AFTPH: variants seen among roughly 807,000 people sequenced by gnomAD.
AFTPH encodes aftiphilin.
In AFTPH, 7 loss-of-function variants were observed where a neutral mutation model predicts 72.5. The ratio of observed to expected loss-of-function variants is 0.10; its 90% CI spans 0.05 to 0.18. The LOEUF is 0.18. AFTPH is among the 10% of genes least tolerant of loss of function. The pLI, the probability that AFTPH is intolerant of heterozygous loss-of-function variation, is 1.00. For missense variants in AFTPH, 979 were observed against 1,060.5 expected (o/e 0.92, Z 1.07); for synonymous variants, 337 against 370.1 (o/e 0.91, Z 1.03).
chr2:64,566,300 G>A (rs1456495392), intron 2 of AFTPH, among the ~76,000 whole-genome samples: 1 of 152,148 alleles, frequency 6.6e-6, no homozygotes, highest in African/African-American at 2.4e-5. Flanking sequence ...ATATAATTAT[G>A]ATGTGAGAAT....
chr2:64,575,395 G>A (rs924377443), intron 6 of AFTPH, among the ~76,000 whole-genome samples: 1 of 152,066 alleles, frequency 6.6e-6, no homozygotes. Context: ...GGATGCCAAG[G>A]CAGGTGGATT....
chr2:64,537,758 T>C (rs1188561284), intron 1 of AFTPH, among the ~76,000 whole-genome samples: 1 of 152,248 alleles, frequency 6.6e-6, no homozygotes, highest in Non-Finnish European at 1.5e-5. Context: ...TTTCGTTTAT[T>C]ACTTTTATAC....
intron 6 of AFTPH, among the ~76,000 whole-genome samples, chr2:64,574,767 G>A (rs1260517370): frequency 6.6e-6 from 1 of 152,210 alleles, no homozygotes; most frequent in Non-Finnish European, 1.5e-5. Context: ...TGGGCAGAAT[G>A]TCTCCGTAGG....
intron 1 of AFTPH, among the ~76,000 whole-genome samples, chr2:64,527,580 CAA>C (rs34338314): frequency 2.2e-5 from 3 of 135,584 alleles, no homozygotes; most frequent in African/African-American, 2.6e-5. Flanking sequence ...AACATCATCT[CAA>C]AAAAAAAAAA....
chr2:64,583,719 A>T (rs1397947694), intron 7 of AFTPH, among the ~76,000 whole-genome samples: 1 of 152,206 alleles, frequency 6.6e-6, no homozygotes, highest in Non-Finnish European at 1.5e-5. Flanking sequence ...TTACAGGAAC[A>T]CAAAGGAAAG....
At chr2:64,553,552 G>A in intron 2 of AFTPH, 143 bp downstream of exon 2, 1 of 920,812 alleles carries the variant, frequency 1.1e-6, no homozygotes, top group Non-Finnish European at 1.5e-6. Flanking sequence ...TGATTTGTGG[G>A]TTGGTTACAT....
At chr2:64,527,014 C>T (rs1669310482) in intron 1 of AFTPH, among the ~76,000 whole-genome samples, 1 of 152,126 alleles carries the variant, frequency 6.6e-6, no homozygotes, top group African/African-American at 2.4e-5. Context: ...TATGTATTGT[C>T]TGTGATTTGT....
At chr2:64,584,375 C>T (rs1573045565) in intron 7 of AFTPH, among the ~76,000 whole-genome samples, 1 of 151,556 alleles carries the variant, frequency 6.6e-6, no homozygotes, top group Non-Finnish European at 1.5e-5. Context: ...TAAATCTAAC[C>T]CTCTGAGCTT....
At chr2:64,574,839 C>G (rs536103649) in intron 6 of AFTPH, among the ~76,000 whole-genome samples, 1 of 152,210 alleles carries the variant, frequency 6.6e-6, no homozygotes. Flanking sequence ...CTATAAACTG[C>G]TATCCCAGGT....
At chr2:64,536,580 A>AG (rs1175303747) in intron 1 of AFTPH, among the ~76,000 whole-genome samples, 2 of 150,938 alleles carry the variant, frequency 1.3e-5, no homozygotes, top group East Asian at 3.9e-4. Flanking sequence ...AAAAAAAAAA[A>AG]AAAAAAAAAG....
At chr2:64,583,756 T>C (rs1247350879) in intron 7 of AFTPH, among the ~76,000 whole-genome samples, 1 of 152,188 alleles carries the variant, frequency 6.6e-6, no homozygotes, top group Non-Finnish European at 1.5e-5. Context: ...TTTGAAACCG[T>C]ACCTTAATGA....
At chr2:64,584,541 A>C (rs1673386373) in intron 7 of AFTPH, among the ~76,000 whole-genome samples, 1 of 151,684 alleles carries the variant, frequency 6.6e-6, no homozygotes, top group Non-Finnish European at 1.5e-5. Flanking sequence ...CCCCACCTCT[A>C]ACCTGAAGAA....
chr2:64,580,969 G>C (rs559080165), intron 7 of AFTPH: 20 of 351,426 alleles, frequency 5.7e-5, no homozygotes, highest in African/African-American at 4.3e-4. Context: ...TTGTACATGA[G>C]AAAATGTACA....
intron 5 of AFTPH, among the ~76,000 whole-genome samples, chr2:64,571,050 A>T (rs1672393614): frequency 6.6e-6 from 1 of 151,396 alleles, no homozygotes; most frequent in Non-Finnish European, 1.5e-5. Context: ...TCTTTGTGAT[A>T]TCTTTCATTT....
exon 2 of AFTPH, chr2:64,552,687 G>T: frequency 6.2e-7 from 1 of 1,614,158 alleles, no homozygotes; most frequent in East Asian, 2.2e-5. Context: ...AGAAGAAAAT[G>T]ATTTGGATGA....
At chr2:64,592,024 G>C in exon 9 of AFTPH, 1 of 1,612,274 alleles carries the variant, frequency 6.2e-7, no homozygotes, top group Non-Finnish European at 8.5e-7. Context: ...TCAAGAAAAA[G>C]CAGACGGATA....
At chr2:64,560,657 G>C (rs891051923) in intron 2 of AFTPH, among the ~76,000 whole-genome samples, 2 of 152,160 alleles carry the variant, frequency 1.3e-5, no homozygotes, top group African/African-American at 4.8e-5. Context: ...TGGATCACTT[G>C]AGGTCAGGAG....
intron 2 of AFTPH, among the ~76,000 whole-genome samples, chr2:64,566,431 A>G (rs1182637731): frequency 6.6e-6 from 1 of 151,652 alleles, no homozygotes; most frequent in Non-Finnish European, 1.5e-5. Context: ...TTTTTTTTTA[A>G]TTTTCCTGGG....
intron 2 of AFTPH, among the ~76,000 whole-genome samples, chr2:64,559,002 A>G (rs74763850): frequency 0.02 from 3,018 of 152,298 alleles, 92 homozygotes; most frequent in African/African-American, 0.07. Context: ...GAAAATGTGC[A>G]AACTCCACAC....
Sources: gnomAD v4.1 joint callset for allele counts (sites outside exome capture counted in the v4.1 genomes callset) on GRCh38, gnomAD v4.1.1 for gene constraint, MANE v1.5 for transcripts, NCBI Gene and HGNC (gene_info 2026-07-23, HGNC 2026-07-21) for gene names.